MSL2: variants seen among roughly 807,000 people sequenced by gnomAD.
The protein encoded by MSL2 is MSL complex subunit 2.
MSL2 carries 2 observed loss-of-function variants against 35.8 expected under a neutral mutation model. The observed-to-expected ratio is 0.06, with a 90% CI of 0.02 to 0.18. The LOEUF (loss-of-function observed/expected upper bound fraction) is 0.18. MSL2 is among the 10% of genes least tolerant of loss of function. The probability of loss-of-function intolerance (pLI) is 1.00; values close to 1 mark genes in which losing one functional copy is unlikely to be tolerated. For synonymous variants in MSL2, 296 were observed against 255.7 expected (o/e 1.16, Z -1.50); for missense variants, 523 against 706.7 (o/e 0.74, Z 2.95).
chr3:136,173,158 G>C (rs1434381904), intron 1 of MSL2, among the ~76,000 whole-genome samples: 1 of 152,074 alleles, frequency 6.6e-6, no homozygotes, highest in Non-Finnish European at 1.5e-5. Flanking sequence ...GCAAGACTTT[G>C]TCTCAAAATA....
At chr3:136,165,207 CAAAAA>C (rs371730438) in intron 1 of MSL2, among the ~76,000 whole-genome samples, 2 of 59,332 alleles carry the variant, frequency 3.4e-5, no homozygotes, top group African/African-American at 5.9e-5. Flanking sequence ...AAGTTCGTGA[CAAAAA>C]AAAAAAAAAA....
In MSL2 at chr3:136,152,107, T is replaced by G; in HGVS notation, c.774A>C (p.Glu258Asp). The change falls in exon 2 of 2, where the codon GAA becomes GAC. Residue 258 changes from glutamate to aspartate, a missense_variant. Glu to Asp is a conservative substitution (Grantham distance 45, BLOSUM62 2). Around this residue, in one of 5 missense-constraint regions of MSL2, gnomAD observed 361 missense variants for 414.6 expected, o/e 0.87. Transcript: ENST00000309993. ...ACAGAGAGTCTCCAGGTTTTATATC[T>G]TCACTGAAACTGCAGATATCAATGC... The part of the protein sequence containing the change: ...STGIDICSFS[E>D]DIKPGDSLLL... 3.1e-6 allele frequency: 5 copies of G among 1,614,162 alleles called. No individual in the cohort carries two copies. The highest frequency in any genetic ancestry group is 4.2e-6 in the Non-Finnish European group (5 of 1,180,032).
intron 1 of MSL2, among the ~76,000 whole-genome samples, chr3:136,190,612 G>A (rs1940659863): frequency 6.6e-6 from 1 of 150,926 alleles, no homozygotes; most frequent in South Asian, 2.1e-4. Context: ...TTATCTCCAA[G>A]AATAGTATTT....
At chr3:136,190,201 A>C (rs1041049156) in intron 1 of MSL2, among the ~76,000 whole-genome samples, 2 of 152,196 alleles carry the variant, frequency 1.3e-5, no homozygotes, top group South Asian at 2.1e-4. Flanking sequence ...AACACTGACC[A>C]ATATATATGG....
At chr3:136,187,207 C>A (rs371192880) in intron 1 of MSL2, among the ~76,000 whole-genome samples, 6 of 152,100 alleles carry the variant, frequency 3.9e-5, no homozygotes, top group African/African-American at 1.2e-4. Flanking sequence ...CGAGATAAAC[C>A]CAACTACGAC....
In MSL2 at chr3:136,150,400, A is replaced by G. The variant is rs904353381; in HGVS notation, c.*747T>C. 1 of 152,644 alleles carries G rather than the reference A, an allele frequency of 6.6e-6. No individual in the cohort carries two copies. Among genetic ancestry groups the G allele is most frequent in the Non-Finnish European group, 1.5e-5 (1 of 68,040 alleles). 9.5% of individuals were successfully genotyped at this position (152,644 alleles called of 1,614,324 possible). On this transcript the variant is annotated 3_prime_UTR_variant, in exon 2 of 2. Coordinates refer to ENST00000309993, the MANE Select transcript of MSL2 (RefSeq NM_018133.4). ...AATTCTGTCACATACTACATAGTCT[A>G]AATTTAATTACCTTCAGAATAAAAC... is the stretch of plus-strand genomic sequence containing the variant.
intron 1 of MSL2, among the ~76,000 whole-genome samples, chr3:136,175,619 C>T (rs150071654): frequency 0.011 from 1,694 of 152,064 alleles, 32 homozygotes; most frequent in African/African-American, 0.038. Context: ...TCCAGGAGTT[C>T]GAGGCTGCAA....
chr3:136,176,159 T>C (rs906934932), intron 1 of MSL2, among the ~76,000 whole-genome samples: 2 of 152,208 alleles, frequency 1.3e-5, no homozygotes, highest in Non-Finnish European at 2.9e-5. Flanking sequence ...AGTAAAACTA[T>C]ATTCTTTGCC....
intron 1 of MSL2, among the ~76,000 whole-genome samples, chr3:136,191,934 C>T (rs1487852302): frequency 2.0e-5 from 3 of 152,180 alleles, no homozygotes; most frequent in Non-Finnish European, 4.4e-5. Context: ...GTTTGAAGGG[C>T]TTTTTCCCTC....
At chr3:136,164,885 T>C (rs1939798635) in intron 1 of MSL2, among the ~76,000 whole-genome samples, 2 of 151,990 alleles carry the variant, frequency 1.3e-5, no homozygotes, top group African/African-American at 4.8e-5. Flanking sequence ...TTCAGACTTT[T>C]TTTTTTTGAG....
chr3:136,182,577 CT>C (rs1940399521), intron 1 of MSL2, among the ~76,000 whole-genome samples: 1 of 152,072 alleles, frequency 6.6e-6, no homozygotes. Flanking sequence ...AAAAGCTCCC[CT>C]GAATTGAGAA....
rs1181386985 is a variant in MSL2, at chr3:136,152,230, C to A, written c.651G>T (p.Thr217=). ...TGTCAACAGTATTACATACGTCAATCGTATTTGAATGTTCAGGTGAAGGAA... is the reference window on the plus strand; with the variant it reads ...TGTCAACAGTATTACATACGTCAATAGTATTTGAATGTTCAGGTGAAGGAA... ...INIPSPEHSN[T]IDVCNTVDIK... is the part of the protein sequence containing the mutation. Residue 217 remains threonine (T), a synonymous_variant, in exon 2 of 2, where the codon ACG becomes ACT. Transcript: ENST00000309993. The A allele has an allele frequency of 1.2e-5, 20 of 1,613,952 alleles. No homozygotes were observed. In the East Asian group the frequency reaches 1.8e-4, roughly 14 times the overall value.
intron 1 of MSL2, among the ~76,000 whole-genome samples, chr3:136,161,473 A>G (rs1342560385): frequency 1.3e-5 from 2 of 152,250 alleles, no homozygotes; most frequent in Non-Finnish European, 2.9e-5. Flanking sequence ...CCAAATGTCC[A>G]TTAATTGGTG....
intron 1 of MSL2, among the ~76,000 whole-genome samples, chr3:136,157,811 A>C (rs1421743927): frequency 3.3e-5 from 5 of 152,248 alleles, no homozygotes; most frequent in African/African-American, 9.6e-5. Context: ...AAAGTTTTAA[A>C]ACTGAATAGA....
chr3:136,166,077 A>G (rs1576362424), intron 1 of MSL2, among the ~76,000 whole-genome samples: 1 of 151,032 alleles, frequency 6.6e-6, no homozygotes, highest in Non-Finnish European at 1.5e-5. Flanking sequence ...AAAAAAAAAA[A>G]AAAAAAAAAA....
chr3:136,175,664 C>T (rs567050523), intron 1 of MSL2, among the ~76,000 whole-genome samples: 3 of 146,940 alleles, frequency 2.0e-5, no homozygotes, highest in East Asian at 2.1e-4. Context: ...CCCTAGCCTG[C>T]GTGACAGAGG....
chr3:136,173,322 T>G (rs1265954421), intron 1 of MSL2, among the ~76,000 whole-genome samples: 1 of 152,196 alleles, frequency 6.6e-6, no homozygotes, highest in African/African-American at 2.4e-5. Context: ...AATATCGAAG[T>G]GCCTACTAGG....
intron 1 of MSL2, among the ~76,000 whole-genome samples, chr3:136,154,567 T>TG (rs1037298465): frequency 3.5e-5 from 5 of 144,756 alleles, no homozygotes; most frequent in Non-Finnish European, 6.0e-5. Flanking sequence ...TAGAAATCAG[T>TG]GGGAAAAAAA....
chr3:136,182,808 A>T (rs544057980), intron 1 of MSL2, among the ~76,000 whole-genome samples: 1 of 152,232 alleles, frequency 6.6e-6, no homozygotes, highest in Non-Finnish European at 1.5e-5. Context: ...ACATGCGTAT[A>T]AACTACCAGA....
Sources: allele counts gnomAD v4.1 joint callset (sites outside exome capture counted in the v4.1 genomes callset), GRCh38; gene constraint gnomAD v4.1.1; regional missense constraint gnomAD v4.1.1; transcripts MANE v1.5; gene names NCBI Gene and HGNC (gene_info 2026-07-23, HGNC 2026-07-21).